SPG21: variants seen among roughly 807,000 people sequenced by gnomAD.
SPG21 encodes SPG21 abhydrolase domain containing, maspardin.
A neutral mutation model predicts 38.9 loss-of-function variants in SPG21; 26 were observed. The observed-to-expected ratio is 0.67, with a 90% CI of 0.49 to 0.93. SPG21 has a LOEUF of 0.93. SPG21 is among the 40% of genes least tolerant of loss of function. The probability of loss-of-function intolerance (pLI) is 0.00; values close to 1 mark genes in which losing one functional copy is unlikely to be tolerated. For missense variants in SPG21, 333 were observed against 376.5 expected (o/e 0.88, Z 0.96); for synonymous variants, 136 against 128.9 (o/e 1.05, Z -0.37).
intron 8 of SPG21, among the ~76,000 whole-genome samples, chr15:64,964,573 G>GCCT (rs1332627366): frequency 1.2e-4 from 18 of 152,138 alleles, no homozygotes; most frequent in Non-Finnish European, 2.4e-4. Flanking sequence ...ACCCCTCACT[G>GCCT]CTATTCTATT....
intron 1 of SPG21, chr15:64,987,365 A>C (rs1390970956): frequency 6.6e-6 from 1 of 152,260 alleles, no homozygotes. Context: ...CTGACGTCTA[A>C]GTGAAAAAAA....
At chr15:64,983,329 A>G (rs552494445) in intron 2 of SPG21, 178 bp downstream of exon 2, 52 of 492,676 alleles carry the variant, frequency 1.1e-4, no homozygotes, top group Non-Finnish European at 1.3e-4. Context: ...CTCTAAAATG[A>G]GTCTCAAAAG....
rs1239799763 is a variant in SPG21, at chr15:64,982,146, T to C, written c.64-1121A>G. 1.7e-4 allele frequency among the ~76,000 whole-genome samples: 24 copies of C among 142,506 alleles called. 2 individuals are homozygous for C. The highest frequency in any genetic ancestry group is 3.5e-3 in the Middle Eastern group (1 of 282). The allele number at this position is 142,506 out of a possible 152,430, so 93.5% of individuals were successfully genotyped here. A position where few individuals can be genotyped will look rare whatever the true frequency, so the allele number is the denominator to read the frequency against. On this transcript the variant is annotated intron_variant, in intron 2 of 8. Coordinates refer to ENST00000204566, the MANE Select transcript of SPG21 (RefSeq NM_016630.7). ...TCACATTTTTTCTTTTCTTTTCTTT[T>C]TTTTTTTTTTTTTTTTGAGACAAGG...
chr15:64,982,301 C>A (rs1343573770), intron 2 of SPG21, among the ~76,000 whole-genome samples: 1 of 152,044 alleles, frequency 6.6e-6, no homozygotes, highest in Non-Finnish European at 1.5e-5. Context: ...TGCACCAACA[C>A]GCCCAGTTAA....
chr15:64,975,300 A>AAG (rs1288509084), intron 4 of SPG21, among the ~76,000 whole-genome samples: 6 of 147,076 alleles, frequency 4.1e-5, no homozygotes, highest in African/African-American at 7.4e-5. Flanking sequence ...AAAAAAAAAA[A>AAG]AAAAGAAAAG....
intron 5 of SPG21, among the ~76,000 whole-genome samples, chr15:64,972,013 T>TA (rs2085676161): frequency 1.3e-5 from 2 of 152,208 alleles, no homozygotes; most frequent in Non-Finnish European, 2.9e-5. Context: ...AGTTTATATT[T>TA]ATTCCATTAA....
Position 64,967,470 on chromosome 15 carries a change from CT to C in SPG21, c.669+1784del, listed in dbSNP as rs34545889. On this transcript the variant is annotated intron_variant, in intron 7 of 8. Transcript: ENST00000204566. ...GTGGCACCATGTCCAGCTAATTTTC[CT>C]TTTTTTTTTTTTCTTTTTTTTGAGA... is the stretch of plus-strand genomic sequence containing the variant. Among the ~76,000 whole-genome samples, 105 of 143,852 alleles carry C rather than the reference CT, an allele frequency of 7.3e-4. 1 individual carries two copies. In the East Asian group the frequency reaches 0.01, roughly 14 times the overall value. 94.4% of individuals were successfully genotyped at this position (143,852 alleles called of 152,430 possible). A position where few individuals can be genotyped will look rare whatever the true frequency, so the allele number is the denominator to read the frequency against.
At chr15:64,977,507 C>T (rs1314441092) in intron 3 of SPG21, among the ~76,000 whole-genome samples, 2 of 152,070 alleles carry the variant, frequency 1.3e-5, no homozygotes, top group African/African-American at 4.8e-5. Flanking sequence ...CACAGGCATG[C>T]ACCACCATGC....
At chr15:64,971,517 C>T (rs1200850524) in intron 5 of SPG21, among the ~76,000 whole-genome samples, 3 of 150,912 alleles carry the variant, frequency 2.0e-5, no homozygotes, top group South Asian at 2.1e-4. Flanking sequence ...CCAGCCTGGG[C>T]GACAGAGCCA....
At chr15:64,985,072 T>C (rs142063927) in intron 1 of SPG21, among the ~76,000 whole-genome samples, 139 of 152,252 alleles carry the variant, frequency 9.1e-4, no homozygotes, top group African/African-American at 3.2e-3. Flanking sequence ...TAATACAAAA[T>C]ACAGGCAAAT....
At chr15:64,973,809 G>T (rs1398350743) in intron 5 of SPG21, among the ~76,000 whole-genome samples, 2 of 152,196 alleles carry the variant, frequency 1.3e-5, no homozygotes, top group African/African-American at 4.8e-5. Flanking sequence ...ATGATGTGCA[G>T]AACATCTGTT....
In SPG21 at chr15:64,963,553, G is replaced by A. The variant is rs555712994; in HGVS notation, c.*67C>T. 3.2e-5 allele frequency: 43 copies of A among 1,334,708 alleles called. No individual in the cohort carries two copies. The highest frequency in any genetic ancestry group is 1.3e-4 in the Admixed American group (8 of 59,396). 82.7% of individuals were successfully genotyped at this position (1,334,708 alleles called of 1,614,324 possible). On this transcript the variant is annotated 3_prime_UTR_variant, in exon 9 of 9. Coordinates refer to ENST00000204566, the MANE Select transcript of SPG21 (RefSeq NM_016630.7). ...AACCTGAAGGAAAAGGCTGGCTGAC[G>A]GGTGCTGATGCCACTGACTATACAA...
chr15:64,969,113 A>G, intron 7 of SPG21, 142 bp downstream of exon 7: 1 of 654,668 alleles, frequency 1.5e-6, no homozygotes, highest in East Asian at 2.7e-5. Context: ...TTATTTTGGA[A>G]TTGAGAAAGC....
At chr15:64,974,099 AG>A (rs35265942) in intron 5 of SPG21, among the ~76,000 whole-genome samples, 7,168 of 152,290 alleles carry the variant, frequency 0.047, 587 homozygotes, top group African/African-American at 0.16. Context: ...TAAAAATTTA[AG>A]GTAATAAAAA....
chr15:64,987,414 G>C (rs2086018031), intron 1 of SPG21: 1 of 152,224 alleles, frequency 6.6e-6, no homozygotes, highest in Non-Finnish European at 1.5e-5. Context: ...TGAGTGGTAT[G>C]AATAGGAAAG....
At chr15:64,968,917 T>TTTTTA (rs2085604098) in intron 7 of SPG21, among the ~76,000 whole-genome samples, 2 of 152,012 alleles carry the variant, frequency 1.3e-5, no homozygotes, top group Non-Finnish European at 2.9e-5. Flanking sequence ...TATTTTTTTT[T>TTTTTA]AATAAATACA....
chr15:64,965,127 TG>T (rs1001607472), intron 8 of SPG21, among the ~76,000 whole-genome samples, 192 bp downstream of exon 8: 3 of 152,178 alleles, frequency 2.0e-5, no homozygotes, highest in Non-Finnish European at 4.4e-5. Flanking sequence ...AGAGAGTCAC[TG>T]GGGGATCTCT....
chr15:64,980,088 T>C (rs2085853659), intron 3 of SPG21, among the ~76,000 whole-genome samples: 1 of 152,176 alleles, frequency 6.6e-6, no homozygotes, highest in Non-Finnish European at 1.5e-5. Context: ...CACTTGTATG[T>C]TAGCAAATCC....
chr15:64,987,102 A>T (rs1256015244), intron 1 of SPG21: 3 of 152,230 alleles, frequency 2.0e-5, no homozygotes, highest in Non-Finnish European at 4.4e-5. Flanking sequence ...ATACACACAT[A>T]CACAGGCACA....
Sources: allele counts gnomAD v4.1 joint callset (sites outside exome capture counted in the v4.1 genomes callset), GRCh38; gene constraint gnomAD v4.1.1; transcripts MANE v1.5; gene names NCBI Gene and HGNC (gene_info 2026-07-23, HGNC 2026-07-21).